The following LAMA2 variants were observed in gnomAD, a reference collection of about 807,000 sequenced individuals.
LAMA2 encodes laminin subunit alpha-2.
Under a neutral mutation model 364.8 loss-of-function variants are expected in LAMA2, and 269 were observed. That is an observed-to-expected ratio of 0.74 (90% CI 0.67 to 0.82). LAMA2 has a LOEUF of 0.82. LAMA2 is among the 40% of genes least tolerant of loss of function. The pLI, the probability that LAMA2 is intolerant of heterozygous loss-of-function variation, is 0.00. For synonymous variants in LAMA2, 1,379 were observed against 1,370.6 expected (o/e 1.01, Z -0.14); for missense variants, 3,807 against 3,873.2 (o/e 0.98, Z 0.45).
At chr6:129,492,244 G>T in intron 57 of LAMA2, 71 bp from the exon 58 acceptor site, 1 of 1,517,830 alleles carries the variant, frequency 6.6e-7, no homozygotes, top group South Asian at 1.1e-5. Flanking sequence ...AAAGGCATGC[G>T]GGGATTGGGC....
chr6:129,158,287 G>A, intron 8 of LAMA2: 1 of 1,614,086 alleles, frequency 6.2e-7, no homozygotes, highest in South Asian at 1.1e-5. Flanking sequence ...AGCACAGTTT[G>A]GTAGATTTCT....
intron 1 of LAMA2, among the ~76,000 whole-genome samples, chr6:128,884,161 T>C (rs1217750672): frequency 6.6e-6 from 1 of 152,196 alleles, no homozygotes; most frequent in East Asian, 1.9e-4. Context: ...TGTTTATGTA[T>C]ATATAGCTCT....
chr6:128,984,635 T>C (rs1308407725), intron 1 of LAMA2, among the ~76,000 whole-genome samples: 2 of 145,384 alleles, frequency 1.4e-5, no homozygotes, highest in Non-Finnish European at 3.0e-5. Context: ...GGTTCTTTTG[T>C]AGAGATGAGA....
chr6:129,480,854 T>C (rs1784310663), intron 54 of LAMA2, among the ~76,000 whole-genome samples: 1 of 152,198 alleles, frequency 6.6e-6, no homozygotes, highest in African/African-American at 2.4e-5. Context: ...TGATAGAGTT[T>C]ATTCAAGAGA....
rs1789300847 is a variant in LAMA2, at chr6:129,066,049, T to TTTTTTTTTTTTTTTTTTTTC, written c.396+6167_396+6168insTTTTTCTTTTTTTTTTTTTT. Among the ~76,000 whole-genome samples, 2 of 91,884 alleles carry TTTTTTTTTTTTTTTTTTTTC rather than the reference T, an allele frequency of 2.2e-5. 1 individual carries two copies. Among genetic ancestry groups the TTTTTTTTTTTTTTTTTTTTC allele is most frequent in the Non-Finnish European group, 4.7e-5 (2 of 42,856 alleles). 60.3% of individuals were successfully genotyped at this position (91,884 alleles called of 152,430 possible). ...TTGCCCAGTCTCAGGTTTTTTTTTT[T>TTTTTTTTTTTTTTTTTTTTC]TTTTTTTTTTTTTTGAGACGCAGTC... On this transcript the variant is annotated intron_variant, in intron 3 of 64. Transcript: ENST00000421865.
At chr6:128,932,094 C>A (rs894342501) in intron 1 of LAMA2, among the ~76,000 whole-genome samples, 14 of 152,094 alleles carry the variant, frequency 9.2e-5, no homozygotes, top group African/African-American at 3.4e-4. Flanking sequence ...TTAAAATATG[C>A]CCCTATTTTT....
intron 29 of LAMA2, among the ~76,000 whole-genome samples, chr6:129,335,954 G>A (rs1238923905): frequency 6.6e-6 from 1 of 152,196 alleles, no homozygotes; most frequent in African/African-American, 2.4e-5. Context: ...CTGCAAAAGT[G>A]ACTAGGGGTC....
chr6:129,132,921 A>G (rs958006157), intron 4 of LAMA2, among the ~76,000 whole-genome samples: 3 of 152,236 alleles, frequency 2.0e-5, no homozygotes, highest in African/African-American at 7.2e-5. Flanking sequence ...CACAGATAGT[A>G]AGTGGAGGAG....
chr6:129,210,949 G>A (rs992309593), intron 12 of LAMA2, among the ~76,000 whole-genome samples: 3 of 152,078 alleles, frequency 2.0e-5, no homozygotes, highest in African/African-American at 7.2e-5. Flanking sequence ...CCTGGTTTCT[G>A]GTTATAGCAC....
intron 41 of LAMA2, among the ~76,000 whole-genome samples, chr6:129,433,350 T>A (rs1252612163): frequency 6.6e-6 from 1 of 152,188 alleles, no homozygotes. Flanking sequence ...CTTCTATTCT[T>A]CCTCACTCGG....
chr6:129,188,964 C>T (rs372047771), intron 10 of LAMA2, among the ~76,000 whole-genome samples: 9 of 152,038 alleles, frequency 5.9e-5, no homozygotes, highest in East Asian at 1.9e-4. Flanking sequence ...TCGTACTATG[C>T]GTATAGCACT....
At chr6:129,184,387 G>T (rs1781108883) in intron 10 of LAMA2, among the ~76,000 whole-genome samples, 1 of 151,854 alleles carries the variant, frequency 6.6e-6, no homozygotes, top group Non-Finnish European at 1.5e-5. Flanking sequence ...ATAATATTAT[G>T]TTAGTCAATT....
intron 1 of LAMA2, among the ~76,000 whole-genome samples, chr6:129,036,100 T>G (rs1786623260): frequency 6.6e-6 from 1 of 152,196 alleles, no homozygotes; most frequent in South Asian, 2.1e-4. Flanking sequence ...ATGATATTGA[T>G]TCTTTCTATC....
intron 12 of LAMA2, among the ~76,000 whole-genome samples, chr6:129,193,820 T>C (rs1460614736): frequency 3.9e-5 from 6 of 152,200 alleles, no homozygotes; most frequent in Non-Finnish European, 7.4e-5. Context: ...TTGCATGACA[T>C]GTGAGTATTG....
chr6:129,191,036 C>T lies in LAMA2; in HGVS notation c.1608+691C>T, dbSNP rs146257923. ...GGGACCTTCTGGGAATTTCACACAGCCTGTGTGGCTGGACTTAAGAGTGCA... is the reference window on the plus strand; with the variant it reads ...GGGACCTTCTGGGAATTTCACACAGTCTGTGTGGCTGGACTTAAGAGTGCA... On this transcript the variant is annotated intron_variant, in intron 11 of 64. Coordinates refer to ENST00000421865, the MANE Select transcript of LAMA2 (RefSeq NM_000426.4). Among the ~76,000 whole-genome samples, 361 of 152,204 alleles carry T rather than the reference C, an allele frequency of 2.4e-3. 2 individuals are homozygous for T. The highest frequency in any genetic ancestry group is 1.7e-3 in the Non-Finnish European group (114 of 68,018).
chr6:129,101,217 C>A (rs540405183), intron 4 of LAMA2, among the ~76,000 whole-genome samples: 4 of 152,244 alleles, frequency 2.6e-5, no homozygotes, highest in African/African-American at 9.6e-5. Flanking sequence ...TGGAAGGAGG[C>A]ACATTGAGAA....
chr6:129,296,051 A>G (rs1773161721), intron 20 of LAMA2, among the ~76,000 whole-genome samples: 1 of 151,896 alleles, frequency 6.6e-6, no homozygotes, highest in Non-Finnish European at 1.5e-5. Context: ...TTTCTATTTC[A>G]TGCTATATCC....
At chr6:129,284,101 T>G (rs1430099807) in intron 18 of LAMA2, among the ~76,000 whole-genome samples, 1 of 152,160 alleles carries the variant, frequency 6.6e-6, no homozygotes, top group Non-Finnish European at 1.5e-5. Context: ...GACAATTTCT[T>G]CCAACTTGTA....
chr6:128,966,402 T>C (rs1781842795), intron 1 of LAMA2, among the ~76,000 whole-genome samples: 1 of 152,142 alleles, frequency 6.6e-6, no homozygotes, highest in Non-Finnish European at 1.5e-5. Context: ...TTCTACCTTC[T>C]GTGAACAACT....
Sources: gnomAD v4.1 joint callset for allele counts (sites outside exome capture counted in the v4.1 genomes callset) on GRCh38, gnomAD v4.1.1 for gene constraint, MANE v1.5 for transcripts, NCBI Gene and HGNC (gene_info 2026-07-23, HGNC 2026-07-21) for gene names.